Variants in XPO7 observed in about 807,000 individuals in gnomAD.
XPO7 encodes the protein exportin-7.
Under a neutral mutation model 144.3 loss-of-function variants are expected in XPO7, and 21 were observed. That is an observed-to-expected ratio of 0.15 (90% confidence interval 0.10 to 0.21). XPO7 has a LOEUF of 0.21. Ranked by LOEUF, XPO7 falls within the 10% of genes least tolerant of loss-of-function variation. The pLI is 1.00. For synonymous variants in XPO7, 580 were observed against 499.6 expected, an observed-to-expected ratio of 1.16 and a Z score of -2.15; for missense variants, 808 against 1,325.8, an observed-to-expected ratio of 0.61 and a Z score of 6.06.
rs1448472500 is a variant in XPO7, at chr8:21,979,949, C to A, written c.838-135C>A. 5 of 1,132,712 alleles carry A rather than the reference C, an allele frequency of 4.4e-6. No homozygotes were observed. In the East Asian group the frequency reaches 1.4e-4, roughly 33 times the overall value. The allele number at this position is 1,132,712 out of a possible 1,614,324, so 70.2% of individuals were successfully genotyped here. On this transcript the variant is annotated intron_variant, in intron 8 of 27. Coordinates refer to ENST00000252512, the MANE Select transcript of XPO7 (RefSeq NM_015024.5). ...GCCGTGGTCTGCTTGGATCTATGTT[C>A]TTTTCTTTTCTCTTTTTAAAATAAT...
Position 21,920,448 on chromosome 8 carries a change from G to A in XPO7, c.18+660G>A, listed in dbSNP as rs1048756200. 3.3e-5 allele frequency among the ~76,000 whole-genome samples: 5 copies of A among 152,106 alleles called. No individual in the cohort carries two copies. In the East Asian group the frequency reaches 7.8e-4, roughly 24 times the overall value. ...CCCCTCGCGTCCCCCTAGCCACAGT[G>A]AAGGAGTTGAGCGCCCACACCTCCT... is the stretch of plus-strand genomic sequence containing the variant. On this transcript the variant is annotated intron_variant, in intron 1 of 27. Coordinates refer to ENST00000252512, the MANE Select transcript of XPO7 (RefSeq NM_015024.5).
chr8:21,999,792 C>T (rs973998786), intron 24 of XPO7, 118 bp downstream of exon 24: 8 of 1,330,812 alleles, frequency 6.0e-6, no homozygotes, highest in African/African-American at 5.8e-5. Context: ...GGGGGTTTGG[C>T]CATAACAATA....
intron 11 of XPO7, among the ~76,000 whole-genome samples, chr8:21,983,689 C>G (rs1042776473): frequency 6.6e-6 from 1 of 152,200 alleles, no homozygotes; most frequent in African/African-American, 2.4e-5. Flanking sequence ...GGCCGGATAG[C>G]CAGTTAGTAG....
At chr8:21,960,736 C>T (rs567947022) in intron 1 of XPO7, among the ~76,000 whole-genome samples, 2 of 152,322 alleles carry the variant, frequency 1.3e-5, no homozygotes, top group South Asian at 4.1e-4. Context: ...AAGTGTTACT[C>T]ACTCTCTTAG....
At chr8:21,937,932 C>T (rs529935240) in intron 1 of XPO7, among the ~76,000 whole-genome samples, 47 of 152,228 alleles carry the variant, frequency 3.1e-4, no homozygotes, top group African/African-American at 1.1e-3. Flanking sequence ...ACTTTTATTA[C>T]TAAAGCTTCA....
intron 1 of XPO7, among the ~76,000 whole-genome samples, chr8:21,933,728 A>G (rs186462679): frequency 1.3e-4 from 20 of 152,306 alleles, no homozygotes; most frequent in Admixed American, 1.3e-3. Context: ...TTTATGTTTC[A>G]TTTGTGAATG....
intron 1 of XPO7, among the ~76,000 whole-genome samples, chr8:21,947,906 C>T (rs763591492): frequency 2.0e-5 from 3 of 151,844 alleles, no homozygotes; most frequent in Admixed American, 6.6e-5. Flanking sequence ...AGAATATATA[C>T]GGTAAAAACT....
chr8:21,952,679 C>G (rs1454311493), intron 1 of XPO7, among the ~76,000 whole-genome samples: 1 of 152,148 alleles, frequency 6.6e-6, no homozygotes. Flanking sequence ...TTTAGAATGG[C>G]AGAGAGCCAC....
intron 19 of XPO7, among the ~76,000 whole-genome samples, chr8:21,992,561 T>C (rs1484041592): frequency 6.6e-6 from 1 of 152,202 alleles, no homozygotes; most frequent in African/African-American, 2.4e-5. Context: ...TTTTTGATTT[T>C]TTTTAGAGAC....
chr8:21,973,417 A>G (rs913653866), intron 5 of XPO7, among the ~76,000 whole-genome samples: 6 of 152,258 alleles, frequency 3.9e-5, no homozygotes, highest in African/African-American at 7.2e-5. Context: ...TGTATGATAC[A>G]TAATCTAGCA....
chr8:21,975,104 A>G (rs1812184333), intron 6 of XPO7, among the ~76,000 whole-genome samples: 1 of 152,264 alleles, frequency 6.6e-6, no homozygotes, highest in Non-Finnish European at 1.5e-5. Flanking sequence ...TTATAACCAC[A>G]TAAAATCTTT....
At chr8:21,979,944 A>G in intron 8 of XPO7, 140 bp from the exon 9 acceptor site, 8 of 1,053,526 alleles carry the variant, frequency 7.6e-6, no homozygotes, top group Non-Finnish European at 9.0e-6. Flanking sequence ...GCTTGGATCT[A>G]TGTTCTTTTC....
At chr8:21,974,599 T>C (rs951837892) in intron 5 of XPO7, 71 bp from the exon 6 acceptor site, 4 of 1,017,952 alleles carry the variant, frequency 3.9e-6, no homozygotes, top group Non-Finnish European at 5.7e-6. Flanking sequence ...TTCTAGCTTA[T>C]AGGAAGTCTA....
chr8:22,005,035 G>A lies in XPO7; in HGVS notation c.3211G>A (p.Asp1071Asn), dbSNP rs751857710. ...GTCAGCATTCCGTCGAGAAGTCAAC[G>A]ACTCAATGAAGAATTCCACTTATGG... Reference protein sequence around the residue: ...NLSAFRREVNDSMKNSTYGVN... With the variant: ...NLSAFRREVNNSMKNSTYGVN... Residue 1071 changes from aspartate to asparagine, a missense_variant, in exon 28 of 28, where the codon GAC becomes AAC. By Grantham distance (23) the Asp-to-Asn change is conservative (BLOSUM62 1). Around this residue, in one of 5 missense-constraint regions of XPO7, gnomAD observed 140 missense variants for 237.9 expected, o/e 0.59. Transcript: ENST00000252512. The A allele has an allele frequency of 2.5e-6, 4 of 1,611,002 alleles. No homozygotes were observed. The highest frequency in any genetic ancestry group is 3.4e-6 in the Non-Finnish European group (4 of 1,179,032).
At chr8:21,920,694 A>G (rs1051524557) in intron 1 of XPO7, among the ~76,000 whole-genome samples, 4 of 152,168 alleles carry the variant, frequency 2.6e-5, no homozygotes, top group African/African-American at 7.2e-5. Context: ...TGCAAACTAG[A>G]TAAAGTTTTT....
At chr8:21,939,132 C>T (rs1810911252) in intron 1 of XPO7, among the ~76,000 whole-genome samples, 1 of 151,918 alleles carries the variant, frequency 6.6e-6, no homozygotes, top group African/African-American at 2.4e-5. Flanking sequence ...TTGTTCTTTA[C>T]ATATTCTTTC....
In XPO7 at chr8:21,982,821, A is replaced by G; in HGVS notation, c.1277+9A>G. On this transcript the variant is annotated intron_variant, in intron 11 of 27. Coordinates refer to ENST00000252512, the MANE Select transcript of XPO7 (RefSeq NM_015024.5). ...GTGCACATCATACTGAGGTAAGGAA[A>G]CTTAGCCTCATTCATTCCCGCACCA... 6.3e-7 allele frequency: 1 copy of G among 1,588,190 alleles called. No homozygotes were observed. The highest frequency in any genetic ancestry group is 1.2e-5 in the South Asian group (1 of 86,252).
chr8:21,932,041 T>A (rs1563310207), intron 1 of XPO7, among the ~76,000 whole-genome samples: 1 of 151,894 alleles, frequency 6.6e-6, no homozygotes, highest in Non-Finnish European at 1.5e-5. Context: ...GCCCAGGTAA[T>A]TCTTGTATTT....
intron 21 of XPO7, among the ~76,000 whole-genome samples, chr8:21,996,854 C>G (rs1309511552): frequency 3.3e-5 from 5 of 152,124 alleles, no homozygotes; most frequent in Non-Finnish European, 7.4e-5. Flanking sequence ...TGTCGCCAGG[C>G]TGAAGTACAG....
Sources: allele counts gnomAD v4.1 joint callset (sites outside exome capture counted in the v4.1 genomes callset), GRCh38; gene constraint gnomAD v4.1.1; regional missense constraint gnomAD v4.1.1; transcripts MANE v1.5; gene names NCBI Gene and HGNC (gene_info 2026-07-23, HGNC 2026-07-21).